Variants in MAPK10 observed in about 807,000 individuals in gnomAD.
MAPK10 encodes the protein JNK3 alpha protein kinase.
MAPK10 carries 25 observed loss-of-function variants against 59.3 expected under a neutral mutation model. The observed-to-expected ratio is 0.42, with a 90% CI of 0.31 to 0.59. MAPK10 has a LOEUF of 0.59. MAPK10 is among the 20% of genes least tolerant of loss of function. The pLI, the probability that MAPK10 is intolerant of heterozygous loss-of-function variation, is 0.15. For missense variants in MAPK10, 351 were observed against 568.9 expected (o/e 0.62, Z 3.90); for synonymous variants, 190 against 200.5 (o/e 0.95, Z 0.44).
At chr4:86,053,204 A>C (rs1300473994) in intron 11 of MAPK10, among the ~76,000 whole-genome samples, 1 of 152,186 alleles carries the variant, frequency 6.6e-6, no homozygotes, top group Admixed American at 6.6e-5. Context: ...ATGTATAATA[A>C]TTAACATCCA....
intron 1 of MAPK10, among the ~76,000 whole-genome samples, chr4:86,458,348 G>T (rs1452020082): frequency 1.3e-5 from 2 of 151,312 alleles, no homozygotes; most frequent in African/African-American, 4.9e-5. Context: ...CTGTAATCCA[G>T]CTACTTGGGA....
At chr4:86,155,922 C>G (rs193245898) in intron 4 of MAPK10, among the ~76,000 whole-genome samples, 16 of 152,078 alleles carry the variant, frequency 1.1e-4, no homozygotes, top group African/African-American at 3.9e-4. Context: ...ACTGAGACTG[C>G]CACTAAGTGA....
intron 4 of MAPK10, among the ~76,000 whole-genome samples, chr4:86,121,702 C>T (rs993579058): frequency 2.6e-5 from 4 of 152,036 alleles, no homozygotes. Flanking sequence ...TATATTACCT[C>T]TCATACTCAG....
At chr4:86,351,026 T>C (rs1261798726) in intron 2 of MAPK10, among the ~76,000 whole-genome samples, 2 of 152,140 alleles carry the variant, frequency 1.3e-5, no homozygotes, top group African/African-American at 2.4e-5. Flanking sequence ...TAGAAACATG[T>C]GATCTTGGAC....
intron 1 of MAPK10, among the ~76,000 whole-genome samples, chr4:86,373,731 T>A (rs1335518829): frequency 6.6e-6 from 1 of 152,048 alleles, no homozygotes; most frequent in Admixed American, 6.6e-5. Flanking sequence ...GTTAGAATGG[T>A]GATCATGAGA....
At chr4:86,492,299 G>T (rs1375388121) in intron 1 of MAPK10, among the ~76,000 whole-genome samples, 1 of 152,200 alleles carries the variant, frequency 6.6e-6, no homozygotes, top group African/African-American at 2.4e-5. Context: ...AGGGTTTTAT[G>T]AAGCATTTAA....
intron 13 of MAPK10, among the ~76,000 whole-genome samples, chr4:86,018,364 A>AC (rs995764227): frequency 6.6e-6 from 1 of 152,116 alleles, no homozygotes; most frequent in African/African-American, 2.4e-5. Flanking sequence ...ACAAAAAAAA[A>AC]AAAAATAGGA....
intron 1 of MAPK10, among the ~76,000 whole-genome samples, chr4:86,442,512 C>T (rs1317526499): frequency 6.6e-6 from 1 of 152,146 alleles, no homozygotes; most frequent in East Asian, 1.9e-4. Context: ...AAATATTACT[C>T]ACATAGTGGG....
chr4:86,287,251 G>T (rs921635517), intron 2 of MAPK10, among the ~76,000 whole-genome samples: 4 of 152,188 alleles, frequency 2.6e-5, no homozygotes, highest in Non-Finnish European at 5.9e-5. Flanking sequence ...TGTTGTATCT[G>T]CTTGTCATTG....
chr4:86,014,762 G>A lies in MAPK10; in HGVS notation c.*2466C>T, dbSNP rs1742646354. The A allele has an allele frequency of 6.6e-6, 1 of 152,144 alleles. No homozygotes were observed. Among genetic ancestry groups the A allele is most frequent in the African/African-American group, 2.4e-5 (1 of 41,412 alleles). 9.4% of individuals were successfully genotyped at this position (152,144 alleles called of 1,614,324 possible). ...TCTGAGGGGGAAATTCACCACTTAT[G>A]CAGGTACGAGAGATAGCCTGTCAAG... On this transcript the variant is annotated 3_prime_UTR_variant, in exon 14 of 14. Transcript: ENST00000641462.
At chr4:86,418,049 C>G (rs997531370) in intron 1 of MAPK10, among the ~76,000 whole-genome samples, 1 of 152,156 alleles carries the variant, frequency 6.6e-6, no homozygotes, top group East Asian at 1.9e-4. Context: ...AAAAACACAG[C>G]AGCACCTGCG....
At chr4:86,553,392 T>C (rs1251044579) in intron 1 of MAPK10, among the ~76,000 whole-genome samples, 1 of 152,140 alleles carries the variant, frequency 6.6e-6, no homozygotes, top group African/African-American at 2.4e-5. Flanking sequence ...AGGGCTTGGA[T>C]CATCTGAAAA....
At chr4:86,166,796 C>T (rs1002285105) in intron 3 of MAPK10, among the ~76,000 whole-genome samples, 15 of 151,936 alleles carry the variant, frequency 9.9e-5, no homozygotes, top group South Asian at 2.1e-4. Context: ...CTTCAAAAAG[C>T]GATGTGCTCA....
intron 8 of MAPK10, 49 bp downstream of exon 8, chr4:86,100,997 AACGTGC>A: frequency 6.7e-7 from 1 of 1,501,850 alleles, no homozygotes; most frequent in Non-Finnish European, 9.2e-7. Flanking sequence ...GGCTATCTAC[AACGTGC>A]ACCCGTTTCA....
chr4:86,324,554 G>A lies in MAPK10; in HGVS notation c.-7+29976C>T, dbSNP rs114146907. On this transcript the variant is annotated intron_variant, in intron 2 of 13. Coordinates refer to ENST00000641462, the MANE Select transcript of MAPK10 (RefSeq NM_138982.4). ...GATTAGAGCTGGGAAAATATTAATC[G>A]TATCATTCATTCAGTCTTATCTCTC... Among the ~76,000 whole-genome samples, 1,515 of 152,192 alleles carry A rather than the reference G, an allele frequency of 1.0e-2. 13 individuals are homozygous for A. The highest frequency in any genetic ancestry group is 0.017 in the Non-Finnish European group (1,157 of 68,006).
chr4:86,069,903 T>A (rs2047468471), intron 9 of MAPK10, among the ~76,000 whole-genome samples: 1 of 115,262 alleles, frequency 8.7e-6, no homozygotes, highest in African/African-American at 4.3e-5. Context: ...AAAGAAGTAC[T>A]CCCAAAACAA....
chr4:86,023,568 A>C (rs1748499431), intron 13 of MAPK10, among the ~76,000 whole-genome samples: 1 of 152,024 alleles, frequency 6.6e-6, no homozygotes, highest in South Asian at 2.1e-4. Flanking sequence ...ATCCATGAGC[A>C]ATGAAATGTT....
chr4:86,573,124 A>G (rs181403428), intron 1 of MAPK10, among the ~76,000 whole-genome samples: 6 of 152,276 alleles, frequency 3.9e-5, no homozygotes, highest in Admixed American at 3.9e-4. Context: ...TTTGAAGAGC[A>G]CAAGGTCTTA....
Position 86,516,038 on chromosome 4 carries a change from C to T in MAPK10, c.-263+77872G>A, listed in dbSNP as rs575267580. ...AGGTCTTAGATTTAAGTTTTTGATC[C>T]ATCTTAAGTTTATTTTTGTATAAGG... On this transcript the variant is annotated intron_variant, in intron 1 of 4. Transcript: ENST00000502302. Among the ~76,000 whole-genome samples the T allele has an allele frequency of 3.5e-4, 53 of 152,022 alleles. 1 individual carries two copies. The highest frequency in any genetic ancestry group is 1.2e-3 in the African/African-American group (51 of 41,482).
Sources: gnomAD v4.1 joint callset for allele counts (sites outside exome capture counted in the v4.1 genomes callset) on GRCh38, gnomAD v4.1.1 for gene constraint, MANE v1.5 for transcripts, NCBI Gene and HGNC (gene_info 2026-07-23, HGNC 2026-07-21) for gene names.